The following ZBBX variants were observed in gnomAD, a reference collection of about 807,000 sequenced individuals.
The protein encoded by ZBBX is zinc finger B-box domain containing.
Under a neutral mutation model 108.5 loss-of-function variants are expected in ZBBX, and 101 were observed. The ratio of observed to expected loss-of-function variants is 0.93; its 90% CI spans 0.79 to 1.10. The LOEUF (loss-of-function observed/expected upper bound fraction) is 1.10. ZBBX is among the 50% of genes least tolerant of loss of function. The pLI is 0.00. For synonymous variants in ZBBX, 356 were observed against 323.4 expected, an observed-to-expected ratio of 1.10 and a Z score of -1.08; for missense variants, 1,009 against 941.4, an observed-to-expected ratio of 1.07 and a Z score of -0.94.
intron 19 of ZBBX, 65 bp downstream of exon 19, chr3:167,288,802 A>T: frequency 8.7e-7 from 1 of 1,143,702 alleles, no homozygotes; most frequent in Admixed American, 2.8e-5. Flanking sequence ...TAAACTGCTA[A>T]AAAAGCAAAC....
chr3:167,397,278 T>G (rs1748271154), intron 1 of ZBBX, among the ~76,000 whole-genome samples: 1 of 151,804 alleles, frequency 6.6e-6, no homozygotes. Context: ...ACTTGCTACG[T>G]TTTGTTTGAA....
At chr3:167,292,266 C>T (rs1194370498) in intron 18 of ZBBX, among the ~76,000 whole-genome samples, 1 of 152,190 alleles carries the variant, frequency 6.6e-6, no homozygotes. Context: ...TTCCCAGCAT[C>T]ACATCACACT....
Position 167,397,655 on chromosome 3 carries a change from G to A in ZBBX, c.-446+10071C>T, listed in dbSNP as rs752760622. On this transcript the variant is annotated intron_variant, in intron 1 of 21. Coordinates refer to the ZBBX transcript ENST00000455345. ...GTCAATAAATAAGAGAGAAAGGCAG[G>A]AGAGAGCCTTTTATGCTGAGAGAAA... Among the ~76,000 whole-genome samples the A allele has an allele frequency of 5.8e-4, 88 of 151,916 alleles. 1 individual carries two copies. The highest frequency in any genetic ancestry group is 1.0e-3 in the Non-Finnish European group (68 of 67,900).
At chr3:167,354,878 A>C (rs990695198) in intron 8 of ZBBX, among the ~76,000 whole-genome samples, 2 of 151,988 alleles carry the variant, frequency 1.3e-5, no homozygotes, top group Non-Finnish European at 2.9e-5. Flanking sequence ...TGGAAGATCA[A>C]TGCTGGACTT....
Position 167,246,013 on chromosome 3 carries a change from C to A in ZBBX, c.2255-3370G>T, listed in dbSNP as rs138831615. 3.0e-3 allele frequency among the ~76,000 whole-genome samples: 453 copies of A among 152,208 alleles called. 2 individuals carry two copies. The highest frequency in any genetic ancestry group is 0.01 in the African/African-American group (428 of 41,526). On this transcript the variant is annotated intron_variant, in intron 20 of 21. Transcript: ENST00000675490. ...GGGGTTGTGCCTTGCCTCTGCTATA[C>A]ATTTGGGGGAGACCATGGGCAATTA... is the stretch of plus-strand genomic sequence containing the variant.
chr3:167,361,580 C>T (rs1196171802), intron 6 of ZBBX, among the ~76,000 whole-genome samples: 1 of 151,992 alleles, frequency 6.6e-6, no homozygotes, highest in Non-Finnish European at 1.5e-5. Context: ...AAATGTAGGC[C>T]TAATTATTCT....
chr3:167,407,740 GGAGGAA>G (rs911215621), exon 1 of ZBBX, among the ~76,000 whole-genome samples: 1 of 152,074 alleles, frequency 6.6e-6, no homozygotes, highest in African/African-American at 2.4e-5. Flanking sequence ...AGTAGGCTGA[GGAGGAA>G]GAGGAAGAGG....
chr3:167,195,689 T>C, the ZBBX span, among the ~76,000 whole-genome samples: 39 of 152,186 alleles, frequency 2.6e-4, no homozygotes, highest in African/African-American at 8.9e-4. Context: ...TCATTGTATA[T>C]GCTGTTAAAA....
At chr3:167,360,764 A>T in intron 6 of ZBBX, 41 bp from the exon 7 acceptor site, 1 of 1,265,838 alleles carries the variant, frequency 7.9e-7, no homozygotes, top group Non-Finnish European at 1.1e-6. Context: ...GGTATATATT[A>T]TCTTATTCAA....
chr3:167,205,374 T>C, the ZBBX span, among the ~76,000 whole-genome samples: 1 of 151,966 alleles, frequency 6.6e-6, no homozygotes, highest in Non-Finnish European at 1.5e-5. Flanking sequence ...CCATGAAGAA[T>C]TTGAAAAGAA....
chr3:167,329,731 G>A (rs1738084483), intron 10 of ZBBX, among the ~76,000 whole-genome samples: 1 of 152,118 alleles, frequency 6.6e-6, no homozygotes, highest in African/African-American at 2.4e-5. Flanking sequence ...AGTAAAGAAT[G>A]AGAAAATATA....
At chr3:167,267,718 T>C (rs1725807140) in intron 20 of ZBBX, among the ~76,000 whole-genome samples, 1 of 152,184 alleles carries the variant, frequency 6.6e-6, no homozygotes, top group South Asian at 2.1e-4. Flanking sequence ...AACTGGACTA[T>C]GCTCTTTGTT....
intron 9 of ZBBX, among the ~76,000 whole-genome samples, chr3:167,349,635 T>C (rs553389847): frequency 9.9e-5 from 15 of 152,202 alleles, no homozygotes; most frequent in Non-Finnish European, 1.6e-4. Context: ...TGATTATCTC[T>C]ATTCCTTTGC....
chr3:167,275,625 C>A lies in ZBBX; in HGVS notation c.2254+6613G>T, dbSNP rs183583170. On this transcript the variant is annotated intron_variant, in intron 20 of 21. Transcript: ENST00000675490. ...ATATCCCGCACATGGCTCGGAGGGT[C>A]CTACACCCACAGAATCTCGCTGATT... is the stretch of plus-strand genomic sequence containing the variant. Among the ~76,000 whole-genome samples the A allele has an allele frequency of 1.3e-3, 204 of 152,334 alleles. 2 individuals are homozygous for A. In the East Asian group the frequency reaches 0.037, roughly 28 times the overall value.
chr3:167,354,183 C>T (rs775445041), intron 8 of ZBBX, among the ~76,000 whole-genome samples: 37 of 151,852 alleles, frequency 2.4e-4, no homozygotes, highest in Non-Finnish European at 4.9e-4. Flanking sequence ...TTCATGATCA[C>T]ATGGCTGACT....
intron 20 of ZBBX, among the ~76,000 whole-genome samples, chr3:167,281,162 G>C (rs1728747097): frequency 6.6e-6 from 1 of 152,138 alleles, no homozygotes; most frequent in Non-Finnish European, 1.5e-5. Context: ...TAGATGATGA[G>C]TTAGTGGGTG....
At chr3:167,360,555 T>C in intron 7 of ZBBX, 120 bp downstream of exon 7, 5 of 499,606 alleles carry the variant, frequency 1.0e-5, no homozygotes, top group Non-Finnish European at 1.6e-5. Flanking sequence ...GTGTCATGAT[T>C]TGGGGGTTTA....
At chr3:167,221,875 C>A in the ZBBX span, among the ~76,000 whole-genome samples, 1 of 151,974 alleles carries the variant, frequency 6.6e-6, no homozygotes, top group Non-Finnish European at 1.5e-5. Flanking sequence ...TACCATCTCA[C>A]CCCAATTAAA....
At chr3:167,180,493 C>A in the ZBBX span, among the ~76,000 whole-genome samples, 1 of 152,158 alleles carries the variant, frequency 6.6e-6, no homozygotes, top group Non-Finnish European at 1.5e-5. Flanking sequence ...TATAATTAAA[C>A]CAGTGTGAAA....
Sources: allele counts gnomAD v4.1 joint callset (sites outside exome capture counted in the v4.1 genomes callset), GRCh38; gene constraint gnomAD v4.1.1; transcripts MANE v1.5; gene names NCBI Gene and HGNC (gene_info 2026-07-23, HGNC 2026-07-21).